Variants in DIAPH2 observed in about 807,000 individuals in gnomAD.
The protein encoded by DIAPH2 is diaphanous related formin 2.
In DIAPH2, 35 loss-of-function variants were observed where a neutral mutation model predicts 92.7. That is an observed-to-expected ratio of 0.38 (90% confidence interval 0.29 to 0.50). The LOEUF (loss-of-function observed/expected upper bound fraction) is 0.50, where lower values mean the gene tolerates loss of function less well. Ranked by LOEUF, DIAPH2 falls within the 20% of genes least tolerant of loss-of-function variation. The probability of loss-of-function intolerance (pLI) is 0.94; values close to 1 mark genes in which losing one functional copy is unlikely to be tolerated. For synonymous variants in DIAPH2, 301 were observed against 280.4 expected (o/e 1.07, Z -0.73); for missense variants, 701 against 819.5 (o/e 0.86, Z 1.77).
chrX:97,317,291 C>T (rs2068848501), intron 23 of DIAPH2, among the ~76,000 whole-genome samples: 1 of 111,655 alleles, frequency 9.0e-6, no homozygotes, highest in African/African-American at 3.2e-5. Context: ...ACTCAAATAA[C>T]GTTTGAAACT....
chrX:96,882,906 C>T lies in DIAPH2; in HGVS notation c.587+1188C>T, dbSNP rs992312179. On this transcript the variant is annotated intron_variant, in intron 5 of 26. Coordinates refer to ENST00000324765, the MANE Select transcript of DIAPH2 (RefSeq NM_006729.5). ...CCCGGGAGGTGGAGGTTGCAGTGAGCCCATATCCCGCCACTGCACTCCAAC... is the reference window on the plus strand; with the variant it reads ...CCCGGGAGGTGGAGGTTGCAGTGAGTCCATATCCCGCCACTGCACTCCAAC... Among the ~76,000 whole-genome samples, 6 of 96,167 alleles carry T rather than the reference C, an allele frequency of 6.2e-5. No homozygotes were observed. In the East Asian group the frequency reaches 1.4e-3, roughly 23 times the overall value. The allele number at this position is 96,167 out of a possible 115,157, so 83.5% of individuals were successfully genotyped here. A position where few individuals can be genotyped will look rare whatever the true frequency, so the allele number is the denominator to read the frequency against.
chrX:97,362,528 T>C (rs184737899), intron 24 of DIAPH2, among the ~76,000 whole-genome samples: 1 of 112,619 alleles, frequency 8.9e-6, no homozygotes, highest in East Asian at 2.8e-4. Flanking sequence ...TAGAATATAC[T>C]TACACAAGGA....
intron 22 of DIAPH2, among the ~76,000 whole-genome samples, chrX:97,160,109 G>GT (rs2067357394): frequency 9.3e-6 from 1 of 107,845 alleles, no homozygotes; most frequent in South Asian, 4.1e-4. Context: ...GCGGGGCGGG[G>GT]TGGGGGCTGG....
chrX:96,875,972 A>G (rs1156899549), intron 4 of DIAPH2, among the ~76,000 whole-genome samples: 1 of 111,685 alleles, frequency 9.0e-6, no homozygotes, highest in African/African-American at 3.3e-5. Flanking sequence ...CAGAGTGAAC[A>G]GGCAACCTAC....
chrX:97,534,726 C>T (rs1033913844), intron 26 of DIAPH2, among the ~76,000 whole-genome samples: 2 of 111,350 alleles, frequency 1.8e-5, no homozygotes, highest in Non-Finnish European at 3.8e-5. Context: ...GGTTAAATAG[C>T]TTATGTGACT....
At chrX:97,239,666 C>T (rs1426151957) in intron 22 of DIAPH2, among the ~76,000 whole-genome samples, 2 of 111,350 alleles carry the variant, frequency 1.8e-5, no homozygotes, top group African/African-American at 6.5e-5. Flanking sequence ...AATGTTTGCA[C>T]TGTCATTAAA....
chrX:97,402,466 C>T (rs2069767662), intron 25 of DIAPH2, among the ~76,000 whole-genome samples: 1 of 111,462 alleles, frequency 9.0e-6, no homozygotes, highest in Admixed American at 9.6e-5. Context: ...TACTTTAGAA[C>T]ATTTTGTTCA....
intron 23 of DIAPH2, 135 bp downstream of exon 23, chrX:97,247,974 T>G: frequency 1.8e-6 from 1 of 556,444 alleles, no homozygotes; most frequent in Non-Finnish European, 2.7e-6. Context: ...GCTGTTTTTC[T>G]ATTAGTAGCA....
chrX:97,253,257 C>A (rs188412149), intron 23 of DIAPH2, among the ~76,000 whole-genome samples: 1,184 of 88,790 alleles, frequency 0.013, 17 homozygotes, highest in African/African-American at 0.048. Context: ...CATTGCACTC[C>A]AGCCTGGGCG....
At chrX:97,058,744 CA>C (rs1361381937) in intron 17 of DIAPH2, among the ~76,000 whole-genome samples, 1 of 110,688 alleles carries the variant, frequency 9.0e-6, no homozygotes, top group Admixed American at 9.7e-5. Flanking sequence ...CTCATTTTTC[CA>C]CTCTAAAATT....
intron 26 of DIAPH2, among the ~76,000 whole-genome samples, chrX:97,527,710 T>C (rs2071033498): frequency 8.9e-6 from 1 of 112,284 alleles, no homozygotes; most frequent in Non-Finnish European, 1.9e-5. Context: ...GATCATTTTA[T>C]ATTTTGGGCT....
intron 26 of DIAPH2, among the ~76,000 whole-genome samples, chrX:97,459,244 G>T (rs1343914596): frequency 8.9e-6 from 1 of 111,836 alleles, no homozygotes; most frequent in East Asian, 2.8e-4. Context: ...TTAGTCCATT[G>T]GGTTAAGGAG....
At chrX:97,007,794 GCT>G (rs1449568848) in intron 17 of DIAPH2, among the ~76,000 whole-genome samples, 1 of 65,201 alleles carries the variant, frequency 1.5e-5, no homozygotes, top group African/African-American at 6.5e-5. Context: ...ATGGAGTCTT[GCT>G]CTGTCACCCA....
At chrX:97,328,232 C>G (rs2068968202) in intron 23 of DIAPH2, among the ~76,000 whole-genome samples, 1 of 110,882 alleles carries the variant, frequency 9.0e-6, no homozygotes, top group Non-Finnish European at 1.9e-5. Context: ...GTCAGGAGTT[C>G]AAGATCAGCC....
At chrX:97,255,490 A>G (rs2068229525) in intron 23 of DIAPH2, among the ~76,000 whole-genome samples, 1 of 111,918 alleles carries the variant, frequency 8.9e-6, no homozygotes, top group Non-Finnish European at 1.9e-5. Flanking sequence ...CTCTTTTCAG[A>G]TACAGATTCT....
chrX:97,564,465 C>A (rs1472591149), intron 26 of DIAPH2: 3 of 111,958 alleles, frequency 2.7e-5, no homozygotes, highest in African/African-American at 9.7e-5. Context: ...CAAGATGACA[C>A]TTCTTGCTGT....
rs781565682 is a variant in DIAPH2, at chrX:96,685,239, G to C, written c.132+49G>C. 6 of 975,104 alleles carry C rather than the reference G, an allele frequency of 6.2e-6. No individual in the cohort carries two copies. In the East Asian group the frequency reaches 2.3e-4, roughly 37 times the overall value. The allele number at this position is 975,104 out of a possible 1,213,427, so 80.4% of individuals were successfully genotyped here. A position where few individuals can be genotyped will look rare whatever the true frequency, so the allele number is the denominator to read the frequency against. Reference sequence around the variant, plus strand: ...CGGCCTTAGGGACAGGGAGAGCCCCGGGATCCTCCTGCCATTGAACACGGG... The same window carrying C: ...CGGCCTTAGGGACAGGGAGAGCCCCCGGATCCTCCTGCCATTGAACACGGG... On this transcript the variant is annotated intron_variant, in intron 1 of 26. Coordinates refer to ENST00000324765, the MANE Select transcript of DIAPH2 (RefSeq NM_006729.5).
intron 22 of DIAPH2, among the ~76,000 whole-genome samples, chrX:97,201,089 A>G (rs759237987): frequency 2.2e-4 from 24 of 108,136 alleles, no homozygotes; most frequent in African/African-American, 7.1e-4. Context: ...GGCCTGTTAG[A>G]AGAAAAACTA....
chrX:96,957,305 G>A (rs5920983), intron 15 of DIAPH2, among the ~76,000 whole-genome samples: 13,402 of 111,977 alleles, frequency 0.12, 1,061 homozygotes, highest in African/African-American at 0.28. Context: ...ACAGGCGTGA[G>A]CCACCGCACC....
Sources: allele counts gnomAD v4.1 joint callset (sites outside exome capture counted in the v4.1 genomes callset), GRCh38; gene constraint gnomAD v4.1.1; transcripts MANE v1.5; gene names NCBI Gene and HGNC (gene_info 2026-07-23, HGNC 2026-07-21).